The following SLIT2 variants were observed in gnomAD, a reference collection of about 807,000 sequenced individuals.
SLIT2 encodes the protein slit guidance ligand 2.
In SLIT2, 41 loss-of-function variants were observed where a neutral mutation model predicts 185.7. That is an observed-to-expected ratio of 0.22 (90% CI 0.17 to 0.29). SLIT2 has a LOEUF of 0.29. Ranked by LOEUF, SLIT2 falls within the 10% of genes least tolerant of loss-of-function variation. SLIT2 has a pLI of 1.00. For missense variants in SLIT2, 1,571 were observed against 1,909.0 expected, an observed-to-expected ratio of 0.82 and a Z score of 3.30; for synonymous variants, 693 against 680.2, an observed-to-expected ratio of 1.02 and a Z score of -0.29.
At chr4:20,347,617 A>G (rs927719050) in intron 4 of SLIT2, among the ~76,000 whole-genome samples, 7 of 152,220 alleles carry the variant, frequency 4.6e-5, no homozygotes, top group South Asian at 2.1e-4. Context: ...TTTGCCTTTT[A>G]TAAATTATAT....
At chr4:20,259,618 A>G (rs1712224878) in intron 3 of SLIT2, among the ~76,000 whole-genome samples, 1 of 151,936 alleles carries the variant, frequency 6.6e-6, no homozygotes, top group East Asian at 1.9e-4. Flanking sequence ...GAATAAATTA[A>G]CTTTTCCTAA....
intron 32 of SLIT2, 44 bp from the exon 33 acceptor site, chr4:20,598,221 G>C (rs1395171811): frequency 6.3e-7 from 1 of 1,598,216 alleles, no homozygotes; most frequent in African/African-American, 1.3e-5. Context: ...AAATACGTTT[G>C]GTTGCGTACA....
intron 4 of SLIT2, among the ~76,000 whole-genome samples, chr4:20,343,802 TAAAAAA>T (rs34514669): frequency 7.7e-6 from 1 of 130,640 alleles, no homozygotes; most frequent in African/African-American, 2.9e-5. Flanking sequence ...TCCTTAAAAC[TAAAAAA>T]AAAAAAAAAA....
chr4:20,352,076 G>A (rs1721926266), intron 4 of SLIT2, among the ~76,000 whole-genome samples: 1 of 152,086 alleles, frequency 6.6e-6, no homozygotes, highest in Non-Finnish European at 1.5e-5. Context: ...GTTTATGCTG[G>A]CAAAGTGTCA....
intron 4 of SLIT2, among the ~76,000 whole-genome samples, chr4:20,431,161 G>A (rs1163570535): frequency 2.6e-5 from 4 of 152,042 alleles, no homozygotes; most frequent in Non-Finnish European, 4.4e-5. Flanking sequence ...AACTCATATC[G>A]TATCTTCTTC....
intron 4 of SLIT2, among the ~76,000 whole-genome samples, chr4:20,306,209 G>A (rs1240865845): frequency 6.6e-6 from 1 of 152,116 alleles, no homozygotes; most frequent in East Asian, 1.9e-4. Flanking sequence ...CGGGGAGAAA[G>A]GGGACTGGTC....
At chr4:20,271,108 A>T (rs1241944498) in intron 4 of SLIT2, among the ~76,000 whole-genome samples, 1 of 152,006 alleles carries the variant, frequency 6.6e-6, no homozygotes, top group African/African-American at 2.4e-5. Context: ...CATGATACAG[A>T]TGCCAAGTAG....
intron 9 of SLIT2, among the ~76,000 whole-genome samples, chr4:20,501,782 T>C (rs1279135537): frequency 1.3e-5 from 2 of 152,180 alleles, no homozygotes; most frequent in Non-Finnish European, 2.9e-5. Flanking sequence ...TTTGGTAAAA[T>C]TCCTAATTGT....
chr4:20,342,419 A>G (rs957025295), intron 4 of SLIT2, among the ~76,000 whole-genome samples: 1 of 152,158 alleles, frequency 6.6e-6, no homozygotes, highest in Non-Finnish European at 1.5e-5. Context: ...AAAACCCATC[A>G]TATATGCTAA....
chr4:20,420,930 C>T (rs1375246362), intron 4 of SLIT2, among the ~76,000 whole-genome samples: 1 of 152,074 alleles, frequency 6.6e-6, no homozygotes, highest in Non-Finnish European at 1.5e-5. Context: ...ATCATGCTGG[C>T]ACCCTAATCT....
At chr4:20,386,345 A>T (rs1445970234) in intron 4 of SLIT2, among the ~76,000 whole-genome samples, 1 of 152,184 alleles carries the variant, frequency 6.6e-6, no homozygotes, top group Non-Finnish European at 1.5e-5. Context: ...TTCATCTAAG[A>T]TGTAAAATAT....
chr4:20,398,890 T>G (rs1193661141), intron 4 of SLIT2, among the ~76,000 whole-genome samples: 2 of 151,836 alleles, frequency 1.3e-5, no homozygotes, highest in Non-Finnish European at 2.9e-5. Context: ...TACAAAATTC[T>G]AATGATATTA....
intron 4 of SLIT2, among the ~76,000 whole-genome samples, chr4:20,324,170 A>G (rs1415527117): frequency 6.6e-6 from 1 of 152,174 alleles, no homozygotes; most frequent in Non-Finnish European, 1.5e-5. Context: ...GGACTGAATC[A>G]TGTGACACTT....
intron 20 of SLIT2, among the ~76,000 whole-genome samples, chr4:20,542,072 T>C (rs1722843180): frequency 6.6e-6 from 1 of 152,178 alleles, no homozygotes; most frequent in Non-Finnish European, 1.5e-5. Flanking sequence ...GTTCTATTAT[T>C]ATTGCCAATG....
rs1178399464 is a variant in SLIT2 at position 20,524,106 on chromosome 4, G to A, written c.1367G>A (p.Arg456His). 6.2e-6 allele frequency: 10 copies of A among 1,613,984 alleles called. No homozygotes were observed. Among genetic ancestry groups the A allele is most frequent in the East Asian group, 2.2e-5 (1 of 44,884 alleles). ...AACCCGATTGAGACCAGTGGTGCCC[G>A]TTGCACCAGCCCCCGCCGCCTGGCA... The part of the protein sequence containing the change: ...HTNPIETSGA[R>H]CTSPRRLANK... Residue 456 changes from arginine (R) to histidine (H), a missense_variant, in exon 14 of 37, where the codon CGT becomes CAT. Coordinates refer to ENST00000504154, the MANE Select transcript of SLIT2 (RefSeq NM_004787.4).
chr4:20,574,574 C>T (rs989598824), intron 29 of SLIT2, among the ~76,000 whole-genome samples: 1 of 151,972 alleles, frequency 6.6e-6, no homozygotes, highest in East Asian at 1.9e-4. Flanking sequence ...ATCCTTTGAG[C>T]CCAGGAGTTT....
chr4:20,603,257 T>A (rs1728544582), intron 33 of SLIT2, among the ~76,000 whole-genome samples: 1 of 152,160 alleles, frequency 6.6e-6, no homozygotes, highest in Admixed American at 6.5e-5. Context: ...ACTCATTCGC[T>A]ACCATGATAA....
chr4:20,481,695 G>A (rs575449948), intron 6 of SLIT2, among the ~76,000 whole-genome samples: 85 of 152,026 alleles, frequency 5.6e-4, no homozygotes, highest in African/African-American at 1.9e-3. Flanking sequence ...CCACAAAAAA[G>A]GAATTCATTA....
intron 4 of SLIT2, among the ~76,000 whole-genome samples, chr4:20,346,363 T>C: frequency 6.6e-6 from 1 of 152,066 alleles, no homozygotes. Flanking sequence ...ACCAGTAGCA[T>C]CCCTCAATTG....
Sources: gnomAD v4.1 joint callset for allele counts (sites outside exome capture counted in the v4.1 genomes callset) on GRCh38, gnomAD v4.1.1 for gene constraint, MANE v1.5 for transcripts, NCBI Gene and HGNC (gene_info 2026-07-23, HGNC 2026-07-21) for gene names.